Variants in RBFOX1 observed in about 807,000 individuals in gnomAD.
RBFOX1 encodes RNA binding fox-1 homolog 1.
Under a neutral mutation model 57.7 loss-of-function variants are expected in RBFOX1, and 8 were observed. The ratio of observed to expected loss-of-function variants is 0.14; its 90% CI spans 0.08 to 0.25. The LOEUF (loss-of-function observed/expected upper bound fraction) is 0.25, where lower values mean the gene tolerates loss of function less well. Ranked by LOEUF, RBFOX1 falls within the 10% of genes least tolerant of loss-of-function variation. The pLI is 1.00. For missense variants in RBFOX1, 611 were observed against 548.5 expected (o/e 1.11, Z -1.14); for synonymous variants, 326 against 222.4 (o/e 1.47, Z -4.15).
At chr16:6,323,253 G>A (rs2082011218) in intron 2 of RBFOX1, among the ~76,000 whole-genome samples, 1 of 152,172 alleles carries the variant, frequency 6.6e-6, no homozygotes, top group South Asian at 2.1e-4. Context: ...AGTAGCATGG[G>A]TAAGGAAGAG....
At chr16:7,016,015 C>G (rs2093892178) in intron 3 of RBFOX1, among the ~76,000 whole-genome samples, 1 of 152,208 alleles carries the variant, frequency 6.6e-6, no homozygotes. Flanking sequence ...GATAGGGTTT[C>G]TTTCTTGGAA....
chr16:5,652,416 C>G (rs1398713904), intron 3 of RBFOX1, among the ~76,000 whole-genome samples: 1 of 152,108 alleles, frequency 6.6e-6, no homozygotes, highest in Non-Finnish European at 1.5e-5. Flanking sequence ...ACTGGCTTTC[C>G]TACCTTGATG....
intron 4 of RBFOX1, among the ~76,000 whole-genome samples, chr16:7,072,832 A>C (rs1567157661): frequency 1.3e-5 from 2 of 152,230 alleles, no homozygotes; most frequent in African/African-American, 2.4e-5. Context: ...TATTCCTGGG[A>C]GGAACGTCTT....
intron 3 of RBFOX1, among the ~76,000 whole-genome samples, chr16:7,002,093 T>C (rs1358490365): frequency 6.9e-6 from 1 of 144,434 alleles, no homozygotes; most frequent in East Asian, 2.0e-4. Context: ...TTAGACGCTA[T>C]GGAGAAATTT....
intron 3 of RBFOX1, among the ~76,000 whole-genome samples, chr16:6,720,756 G>A (rs1322285730): frequency 1.3e-5 from 2 of 152,178 alleles, no homozygotes; most frequent in African/African-American, 4.8e-5. Flanking sequence ...ATTTCTGAGT[G>A]TGCCACCTTT....
At chr16:6,080,642 C>T (rs564105029) in intron 1 of RBFOX1, among the ~76,000 whole-genome samples, 41 of 152,182 alleles carry the variant, frequency 2.7e-4, no homozygotes, top group Non-Finnish European at 5.0e-4. Flanking sequence ...GGAAGTGACT[C>T]GTTTATGAAC....
At chr16:6,546,132 A>G (rs1416482725) in intron 2 of RBFOX1, among the ~76,000 whole-genome samples, 1 of 152,230 alleles carries the variant, frequency 6.6e-6, no homozygotes, top group Non-Finnish European at 1.5e-5. Context: ...ATTCAAAGGC[A>G]TCTTGGGCCA....
intron 1 of RBFOX1, among the ~76,000 whole-genome samples, chr16:6,262,537 A>G (rs2097707761): frequency 6.6e-6 from 1 of 152,194 alleles, no homozygotes; most frequent in South Asian, 2.1e-4. Flanking sequence ...AACATTGGTT[A>G]AAACTATGCG....
chr16:7,705,026 A>T (rs2081985176), intron 14 of RBFOX1, among the ~76,000 whole-genome samples: 1 of 145,652 alleles, frequency 6.9e-6, no homozygotes, highest in South Asian at 2.3e-4. Flanking sequence ...CCGAGGTGAC[A>T]GAGCAAGACT....
chr16:5,955,698 G>A (rs931287971), intron 4 of RBFOX1, among the ~76,000 whole-genome samples: 48 of 152,118 alleles, frequency 3.2e-4, no homozygotes, highest in Non-Finnish European at 3.8e-4. Context: ...AAATTCTTCT[G>A]GATAAAAGAT....
At chr16:7,492,001 A>ACTCAGCCTACTTTGTTCACATTTCCAG (rs2067122330) in intron 4 of RBFOX1, among the ~76,000 whole-genome samples, 2 of 152,178 alleles carry the variant, frequency 1.3e-5, no homozygotes, top group East Asian at 3.9e-4. Flanking sequence ...ATAACACTCT[A>ACTCAGCCTACTTTGTTCACATTTCCAG]CTCAGCCTAC....
At chr16:6,416,110 G>A (rs1003607936) in intron 2 of RBFOX1, among the ~76,000 whole-genome samples, 7 of 152,170 alleles carry the variant, frequency 4.6e-5, no homozygotes, top group African/African-American at 1.7e-4. Flanking sequence ...GTCTTGTAAG[G>A]AGGAAACAAA....
chr16:6,978,728 A>G lies in RBFOX1; in HGVS notation c.-15-73329A>G, dbSNP rs371885106. ...TCAGGATGTGATAAATCTCAGAGTAAGTTTGGAAGAAGGATTCGAACCCCA... is the reference window on the plus strand; with the variant it reads ...TCAGGATGTGATAAATCTCAGAGTAGGTTTGGAAGAAGGATTCGAACCCCA... On this transcript the variant is annotated intron_variant, in intron 3 of 15. Coordinates refer to ENST00000550418, the MANE Select transcript of RBFOX1 (RefSeq NM_018723.4). Among the ~76,000 whole-genome samples, 4 of 152,346 alleles carry G rather than the reference A, an allele frequency of 2.6e-5. 1 individual carries two copies. Among genetic ancestry groups the G allele is most frequent in the Middle Eastern group, 6.8e-3 (2 of 292 alleles).
intron 3 of RBFOX1, among the ~76,000 whole-genome samples, chr16:6,958,246 C>T (rs1231383738): frequency 6.6e-6 from 1 of 152,206 alleles, no homozygotes; most frequent in Admixed American, 6.5e-5. Flanking sequence ...CTGCACGATG[C>T]AGCCGTTAGC....
rs764987433 is a variant in RBFOX1, at chr16:7,295,122, G to C, written c.28-223025G>C. Among the ~76,000 whole-genome samples, 6 of 152,186 alleles carry C rather than the reference G, an allele frequency of 3.9e-5. No individual in the cohort carries two copies. In the South Asian group the frequency reaches 8.3e-4, roughly 21 times the overall value. On this transcript the variant is annotated intron_variant, in intron 4 of 15. Coordinates refer to ENST00000550418, the MANE Select transcript of RBFOX1 (RefSeq NM_018723.4). ...CCTGATGTTGTGTGAGATACAGTTG[G>C]TGAAGATTTTAGTTGACAAGGGTTA...
intron 2 of RBFOX1, among the ~76,000 whole-genome samples, chr16:6,423,965 C>T (rs765710017): frequency 3.4e-4 from 52 of 152,090 alleles, no homozygotes; most frequent in Non-Finnish European, 6.3e-4. Flanking sequence ...TGTGTCCAGG[C>T]GTGGTGGCTC....
At chr16:6,162,083 C>T (rs1049777266) in intron 1 of RBFOX1, among the ~76,000 whole-genome samples, 3 of 152,188 alleles carry the variant, frequency 2.0e-5, no homozygotes, top group Admixed American at 6.5e-5. Context: ...CAGATTCACA[C>T]AATGCAGATT....
chr16:6,563,200 C>T (rs2097207725), intron 2 of RBFOX1, among the ~76,000 whole-genome samples: 1 of 152,114 alleles, frequency 6.6e-6, no homozygotes, highest in Non-Finnish European at 1.5e-5. Context: ...TAGTTCTAGT[C>T]CATGGCACTG....
At chr16:7,060,993 A>G (rs1025111175) in intron 4 of RBFOX1, among the ~76,000 whole-genome samples, 44 of 151,568 alleles carry the variant, frequency 2.9e-4, no homozygotes, top group Non-Finnish European at 8.8e-5. Context: ...TGAGATCTTC[A>G]TGGTTGATGA....
Sources: allele counts gnomAD v4.1 joint callset (sites outside exome capture counted in the v4.1 genomes callset), GRCh38; gene constraint gnomAD v4.1.1; transcripts MANE v1.5; gene names NCBI Gene and HGNC (gene_info 2026-07-23, HGNC 2026-07-21).